The following FNDC3B variants were observed in gnomAD, a reference collection of about 807,000 sequenced individuals.
FNDC3B encodes the protein fibronectin type III domain containing 3B.
Under a neutral mutation model 151.5 loss-of-function variants are expected in FNDC3B, and 12 were observed. That is an observed-to-expected ratio of 0.08 (90% CI 0.05 to 0.13). The LOEUF is 0.13. Ranked by LOEUF, FNDC3B falls within the 10% of genes least tolerant of loss-of-function variation. The pLI, the probability that FNDC3B is intolerant of heterozygous loss-of-function variation, is 1.00. For synonymous variants in FNDC3B, 528 were observed against 549.0 expected (o/e 0.96, Z 0.54); for missense variants, 1,214 against 1,505.3 (o/e 0.81, Z 3.20).
chr3:172,234,312 G>A (rs1727030698), intron 4 of FNDC3B, among the ~76,000 whole-genome samples: 1 of 152,164 alleles, frequency 6.6e-6, no homozygotes, highest in Non-Finnish European at 1.5e-5. Flanking sequence ...ACAAAGGCAG[G>A]GACCTTGTGT....
At position 172,362,776 on chromosome 3, in the gene FNDC3B, A is replaced by T. The variant is rs1380431810; in HGVS notation, c.2939A>T (p.Asp980Val). The T allele has an allele frequency of 6.2e-7, 1 of 1,614,076 alleles. No homozygotes were observed. The highest frequency in any genetic ancestry group is 1.1e-5 in the South Asian group (1 of 91,080). Residue 980 changes from aspartate (D) to valine (V), a missense_variant, in exon 23 of 26, where the codon GAC becomes GTC. Transcript: ENST00000415807. ...GPQSLKLKWG[D>V]SNSKTHAAED... ...CAGAGCCTGAAGCTAAAATGGGGAG[A>T]CAGTAACTCCAAGACACATGCTGCT...
At chr3:172,271,596 G>T (rs988951737) in intron 6 of FNDC3B, among the ~76,000 whole-genome samples, 1 of 152,156 alleles carries the variant, frequency 6.6e-6, no homozygotes, top group Non-Finnish European at 1.5e-5. Context: ...CTTTTTGACC[G>T]CTTTTGCCAA....
intron 16 of FNDC3B, among the ~76,000 whole-genome samples, chr3:172,338,947 C>CA (rs2108301839): frequency 1.3e-5 from 2 of 152,002 alleles, no homozygotes; most frequent in African/African-American, 4.8e-5. Context: ...CCGTTTTACC[C>CA]AGGATAGTCT....
At chr3:172,343,555 T>G (rs866546283) in intron 18 of FNDC3B, among the ~76,000 whole-genome samples, 2 of 152,358 alleles carry the variant, frequency 1.3e-5, no homozygotes, top group Middle Eastern at 6.8e-3. Context: ...TTGTCCTGTG[T>G]GGGTCCTGAT....
chr3:172,382,827 A>G lies in FNDC3B; in HGVS notation c.3303+1734A>G, dbSNP rs574848872. ...CCTCTGTTATGTTCCATTGGTCTAT[A>G]TATCTGTTTTGGTACCAGTACTATG... On this transcript the variant is annotated intron_variant, in intron 25 of 25. Transcript: ENST00000415807. 6.0e-4 allele frequency among the ~76,000 whole-genome samples: 92 copies of G among 152,234 alleles called. 1 individual carries two copies. The highest frequency in any genetic ancestry group is 2.0e-3 in the African/African-American group (81 of 41,524).
At chr3:172,158,821 G>T (rs1423609946) in intron 3 of FNDC3B, among the ~76,000 whole-genome samples, 1 of 152,126 alleles carries the variant, frequency 6.6e-6, no homozygotes, top group African/African-American at 2.4e-5. Context: ...AATGTGTGAG[G>T]TTTAGGTTGA....
intron 2 of FNDC3B, among the ~76,000 whole-genome samples, chr3:172,132,976 A>G (rs550688592): frequency 1.3e-5 from 2 of 152,158 alleles, no homozygotes; most frequent in Non-Finnish European, 2.9e-5. Flanking sequence ...TTGTCTTAAG[A>G]TCCTGTACAC....
At chr3:172,360,949 TG>T (rs1734324799) in intron 22 of FNDC3B, among the ~76,000 whole-genome samples, 1 of 152,234 alleles carries the variant, frequency 6.6e-6, no homozygotes, top group Non-Finnish European at 1.5e-5. Context: ...ATTTTTTTAA[TG>T]TATAAAGAAA....
chr3:172,109,777 G>A, intron 1 of FNDC3B, among the ~76,000 whole-genome samples: 1 of 152,178 alleles, frequency 6.6e-6, no homozygotes, highest in Non-Finnish European at 1.5e-5. Flanking sequence ...CCATCACGTA[G>A]TAGAGAAAAA....
intron 1 of FNDC3B, among the ~76,000 whole-genome samples, chr3:172,051,232 C>T (rs563088437): frequency 2.0e-5 from 3 of 151,570 alleles, no homozygotes; most frequent in Non-Finnish European, 2.9e-5. Context: ...TACAGGCATG[C>T]GCCACCATAC....
At position 172,336,764 on chromosome 3, in the gene FNDC3B, G is replaced by A. The variant is rs367765621; in HGVS notation, c.1781-566G>A. Reference sequence around the variant, plus strand: ...AAAAATACAAAAAAATTAGCCAGGCGTAGTGGCGGGCGCCTGTAATCCCAG... The same window carrying A: ...AAAAATACAAAAAAATTAGCCAGGCATAGTGGCGGGCGCCTGTAATCCCAG... On this transcript the variant is annotated intron_variant, in intron 15 of 25. Coordinates refer to ENST00000415807, the MANE Select transcript of FNDC3B (RefSeq NM_022763.4). 4.6e-5 allele frequency among the ~76,000 whole-genome samples: 7 copies of A among 151,806 alleles called. No individual in the cohort carries two copies. In the East Asian group the frequency reaches 5.8e-4, roughly 13 times the overall value.
At chr3:172,162,737 A>T (rs781179003) in intron 3 of FNDC3B, among the ~76,000 whole-genome samples, 1 of 150,214 alleles carries the variant, frequency 6.7e-6, no homozygotes, top group Non-Finnish European at 1.5e-5. Context: ...TTTTCCTGCC[A>T]GGGATCGGCA....
intron 3 of FNDC3B, among the ~76,000 whole-genome samples, chr3:172,195,468 G>A (rs2108680095): frequency 6.6e-6 from 1 of 152,346 alleles, no homozygotes; most frequent in Middle Eastern, 3.4e-3. Flanking sequence ...GCTTTCACAA[G>A]CTTTGCTCCA....
chr3:172,069,920 C>CTG (rs1383109828), intron 1 of FNDC3B, among the ~76,000 whole-genome samples: 7 of 152,156 alleles, frequency 4.6e-5, no homozygotes, highest in Non-Finnish European at 8.8e-5. Flanking sequence ...CACAGTGACC[C>CTG]TGTGGTGTGA....
chr3:172,293,413 C>T (rs1730440626), intron 7 of FNDC3B, among the ~76,000 whole-genome samples: 1 of 152,148 alleles, frequency 6.6e-6, no homozygotes, highest in Non-Finnish European at 1.5e-5. Context: ...TGCAAGCCTA[C>T]CATCTTCTGA....
intron 4 of FNDC3B, among the ~76,000 whole-genome samples, chr3:172,241,390 G>C (rs1167100997): frequency 6.6e-6 from 1 of 152,174 alleles, no homozygotes; most frequent in Non-Finnish European, 1.5e-5. Flanking sequence ...ACCTTGGCTT[G>C]TAAATGGCCA....
intron 11 of FNDC3B, among the ~76,000 whole-genome samples, chr3:172,327,641 T>A (rs960039085): frequency 5.3e-5 from 8 of 152,228 alleles, no homozygotes; most frequent in Non-Finnish European, 1.0e-4. Context: ...CCTGACCTCG[T>A]GATCTGCCCG....
chr3:172,285,766 C>A (rs981115186), intron 6 of FNDC3B, among the ~76,000 whole-genome samples, 160 bp from the exon 7 acceptor site: 1 of 152,252 alleles, frequency 6.6e-6, no homozygotes, highest in Admixed American at 6.5e-5. Context: ...ATGACACCTT[C>A]ATTCCTGATT....
At chr3:172,259,146 T>G (rs1259798776) in intron 6 of FNDC3B, among the ~76,000 whole-genome samples, 2 of 152,202 alleles carry the variant, frequency 1.3e-5, no homozygotes, top group South Asian at 2.1e-4. Flanking sequence ...CAAGAAAACA[T>G]GAGAAAAGTT....
Sources: allele counts gnomAD v4.1 joint callset (sites outside exome capture counted in the v4.1 genomes callset), GRCh38; gene constraint gnomAD v4.1.1; transcripts MANE v1.5; gene names NCBI Gene and HGNC (gene_info 2026-07-23, HGNC 2026-07-21).